The following EHBP1 variants were observed in gnomAD, a reference collection of about 807,000 sequenced individuals.
EHBP1 encodes EH domain-binding protein 1.
In EHBP1, 55 loss-of-function variants were observed where a neutral mutation model predicts 144.0. The observed-to-expected ratio is 0.38, with a 90% CI of 0.31 to 0.48. EHBP1 has a LOEUF of 0.48. Among genes scored for constraint, EHBP1 ranks in the 20% least tolerant of loss-of-function variants. The pLI, the probability that EHBP1 is intolerant of heterozygous loss-of-function variation, is 0.98. For missense variants in EHBP1, 1,200 were observed against 1,364.2 expected (o/e 0.88, Z 1.90); for synonymous variants, 469 against 472.7 (o/e 0.99, Z 0.10).
At chr2:62,760,232 C>A (rs570516634) in intron 3 of EHBP1, among the ~76,000 whole-genome samples, 1 of 152,068 alleles carries the variant, frequency 6.6e-6, no homozygotes, top group Non-Finnish European at 1.5e-5. Flanking sequence ...ATTAGCTAAA[C>A]GATAGAAAGC....
chr2:62,882,179 A>G (rs1188048101), intron 10 of EHBP1, among the ~76,000 whole-genome samples: 1 of 152,298 alleles, frequency 6.6e-6, no homozygotes, highest in African/African-American at 2.4e-5. Flanking sequence ...TTATTGTTTT[A>G]GAGGGAGAGT....
chr2:62,940,002 A>G, intron 10 of EHBP1: 1 of 317,558 alleles, frequency 3.1e-6, no homozygotes, highest in South Asian at 3.1e-5. Flanking sequence ...AATTCCCCTA[A>G]CCAGCTGCAG....
chr2:62,995,062 C>G (rs1043437331), intron 18 of EHBP1, among the ~76,000 whole-genome samples: 2 of 151,978 alleles, frequency 1.3e-5, no homozygotes, highest in Non-Finnish European at 2.9e-5. Flanking sequence ...TTTTGTCTGT[C>G]TGTATGGGAA....
intron 8 of EHBP1, among the ~76,000 whole-genome samples, chr2:62,860,436 A>T (rs922099184): frequency 9.2e-5 from 14 of 152,116 alleles, no homozygotes; most frequent in African/African-American, 3.4e-4. Flanking sequence ...GGTTGCAGTG[A>T]CCAAGATCGC....
chr2:62,886,478 T>C (rs1437535150), intron 10 of EHBP1, among the ~76,000 whole-genome samples: 1 of 152,192 alleles, frequency 6.6e-6, no homozygotes, highest in East Asian at 1.9e-4. Context: ...ATAAATGGTA[T>C]GCTCCTATAT....
At chr2:62,979,887 T>C (rs1248982145) in intron 15 of EHBP1, among the ~76,000 whole-genome samples, 1 of 152,144 alleles carries the variant, frequency 6.6e-6, no homozygotes, top group East Asian at 1.9e-4. Flanking sequence ...AAGGGCTATA[T>C]ATATATAAAA....
intron 2 of EHBP1, among the ~76,000 whole-genome samples, chr2:62,736,830 T>C (rs1234425889): frequency 6.6e-6 from 1 of 152,210 alleles, no homozygotes; most frequent in Admixed American, 6.5e-5. Flanking sequence ...CCCTGCCATA[T>C]CTGAATGTGG....
chr2:62,905,658 C>T (rs572180353), intron 10 of EHBP1, among the ~76,000 whole-genome samples: 1 of 152,110 alleles, frequency 6.6e-6, no homozygotes, highest in African/African-American at 2.4e-5. Flanking sequence ...AACCCCATCT[C>T]TACAAAAATA....
intron 5 of EHBP1, among the ~76,000 whole-genome samples, chr2:62,788,942 T>A (rs189483528): frequency 6.6e-6 from 1 of 152,178 alleles, no homozygotes; most frequent in African/African-American, 2.4e-5. Flanking sequence ...AATATTTGAT[T>A]TACTGGTGGT....
intron 2 of EHBP1, among the ~76,000 whole-genome samples, chr2:62,743,734 A>G (rs1370354666): frequency 6.6e-6 from 1 of 152,132 alleles, no homozygotes; most frequent in African/African-American, 2.4e-5. Flanking sequence ...GTTTTCATAC[A>G]CAGTAGCTCA....
At chr2:62,737,773 T>C (rs539936381) in intron 2 of EHBP1, among the ~76,000 whole-genome samples, 1 of 151,890 alleles carries the variant, frequency 6.6e-6, no homozygotes, top group Non-Finnish European at 1.5e-5. Flanking sequence ...AAAAAAGAGT[T>C]TTTTTTTAGA....
chr2:62,894,620 G>A (rs906276783), intron 10 of EHBP1, among the ~76,000 whole-genome samples: 11 of 152,252 alleles, frequency 7.2e-5, no homozygotes, highest in African/African-American at 2.6e-4. Context: ...TAGGTGAGTG[G>A]AGTACCTGGA....
At chr2:62,901,026 T>G (rs963245254) in intron 10 of EHBP1, among the ~76,000 whole-genome samples, 2 of 152,186 alleles carry the variant, frequency 1.3e-5, no homozygotes, top group African/African-American at 4.8e-5. Context: ...TCAACAACAC[T>G]ATATTTTATA....
In EHBP1 at chr2:62,950,131, C is replaced by CTT. The variant is rs952538490; in HGVS notation, c.2316+980_2316+981dup. On this transcript the variant is annotated intron_variant, in intron 13 of 22. Coordinates refer to ENST00000431489, the MANE Select transcript of EHBP1 (RefSeq NM_001142616.3). ...TTTTGATTTAGAGTTGTTGGTATTC[C>CTT]TTTTTTTTTTTTCTGCACAGTTATC... Among the ~76,000 whole-genome samples, 11 of 145,430 alleles carry CTT rather than the reference C, an allele frequency of 7.6e-5. No homozygotes were observed. The South Asian group carries it at 2.4e-3, about 32-fold the overall frequency.
chr2:63,000,655 C>T (rs1202154785), intron 19 of EHBP1, among the ~76,000 whole-genome samples: 1 of 152,138 alleles, frequency 6.6e-6, no homozygotes, highest in Non-Finnish European at 1.5e-5. Flanking sequence ...GCCAAGATCA[C>T]ACCATTGCAC....
At chr2:62,834,487 T>G (rs1031010174) in intron 7 of EHBP1, among the ~76,000 whole-genome samples, 1 of 152,238 alleles carries the variant, frequency 6.6e-6, no homozygotes, top group African/African-American at 2.4e-5. Context: ...AGATTATCAC[T>G]TACTGAAGGC....
intron 15 of EHBP1, among the ~76,000 whole-genome samples, chr2:62,984,054 T>G (rs1412550952): frequency 6.6e-6 from 1 of 151,378 alleles, no homozygotes; most frequent in African/African-American, 2.5e-5. Flanking sequence ...GTATTGTGTT[T>G]CCCATCTTTT....
At chr2:62,961,846 A>G (rs763230593) in intron 14 of EHBP1, among the ~76,000 whole-genome samples, 4 of 152,056 alleles carry the variant, frequency 2.6e-5, no homozygotes, top group Non-Finnish European at 4.4e-5. Flanking sequence ...CGTGACCAAC[A>G]TGGTGAAACC....
At chr2:62,721,640 A>G (rs568661095) in intron 2 of EHBP1, among the ~76,000 whole-genome samples, 27 of 152,218 alleles carry the variant, frequency 1.8e-4, no homozygotes, top group African/African-American at 6.5e-4. Context: ...TCATCAGTAG[A>G]TTTTGCTTGT....
Sources: gnomAD v4.1 joint callset for allele counts (sites outside exome capture counted in the v4.1 genomes callset) on GRCh38, gnomAD v4.1.1 for gene constraint, MANE v1.5 for transcripts, NCBI Gene and HGNC (gene_info 2026-07-23, HGNC 2026-07-21) for gene names.